The following NPHP4 variants were observed in gnomAD, a reference collection of about 807,000 sequenced individuals.
NPHP4 encodes the protein nephrocystin-4.
NPHP4 carries 151 observed loss-of-function variants against 155.8 expected under a neutral mutation model. The observed-to-expected ratio is 0.97, with a 90% CI of 0.85 to 1.11. The LOEUF (loss-of-function observed/expected upper bound fraction) is 1.11, where lower values mean the gene tolerates loss of function less well. Ranked by LOEUF, NPHP4 falls within the 50% of genes least tolerant of loss-of-function variation. NPHP4 has a pLI of 0.00. For missense variants in NPHP4, 1,956 were observed against 1,925.7 expected (o/e 1.02, Z -0.29); for synonymous variants, 845 against 816.8 (o/e 1.03, Z -0.59).
intron 23 of NPHP4, among the ~76,000 whole-genome samples, chr1:5,869,234 C>T (rs1249944802): frequency 1.7e-5 from 2 of 116,794 alleles, no homozygotes. Flanking sequence ...CACCCACATG[C>T]ACACACACAC....
At chr1:5,887,818 G>A (rs1252004698) in intron 17 of NPHP4, among the ~76,000 whole-genome samples, 2 of 152,240 alleles carry the variant, frequency 1.3e-5, no homozygotes, top group Non-Finnish European at 2.9e-5. Flanking sequence ...AGGAAAGAGG[G>A]CAGCCAAGCA....
chr1:5,904,731 G>A lies in NPHP4; in HGVS notation c.2029C>T (p.Pro677Ser), dbSNP rs547495754. 2.4e-4 allele frequency: 391 copies of A among 1,614,050 alleles called. 4 individuals carry two copies. In the South Asian group the frequency reaches 3.9e-3, roughly 16 times the overall value. ...YFTFQFYRFP[P>S]ATTPRLQLVQ... Reference sequence around the variant, plus strand: ...AGCTGCAGTCGTGGCGTCGTTGCGGGTGGGAAGCGGTAGAACTGGAAGGTG... The same window carrying A: ...AGCTGCAGTCGTGGCGTCGTTGCGGATGGGAAGCGGTAGAACTGGAAGGTG... The change falls in exon 16 of 30, where the codon CCC becomes TCC. Residue 677 changes from proline to serine, a missense_variant. Physicochemically the swap from Pro to Ser is moderately conservative, Grantham distance 74. Coordinates refer to ENST00000378156, the MANE Select transcript of NPHP4 (RefSeq NM_015102.5).
chr1:5,878,973 C>T (rs1303648403), intron 19 of NPHP4, among the ~76,000 whole-genome samples: 3 of 152,230 alleles, frequency 2.0e-5, no homozygotes, highest in African/African-American at 2.4e-5. Context: ...GACCTCTCTT[C>T]GTCTCAGTTT....
chr1:5,934,269 A>G (rs1242336297), intron 9 of NPHP4, among the ~76,000 whole-genome samples: 1 of 152,138 alleles, frequency 6.6e-6, no homozygotes, highest in East Asian at 1.9e-4. Context: ...CCCATGGGGT[A>G]CAGGCAACAG....
chr1:5,933,031 GA>G, intron 10 of NPHP4, 115 bp downstream of exon 10: 3 of 821,672 alleles, frequency 3.7e-6, no homozygotes, highest in Non-Finnish European at 3.8e-6. Context: ...CCCATGACAT[GA>G]AAAAAATTCT....
intron 10 of NPHP4, among the ~76,000 whole-genome samples, chr1:5,932,660 T>TA (rs35273263): frequency 0.19 from 25,821 of 136,576 alleles, 2,236 homozygotes; most frequent in African/African-American, 0.24. Context: ...ATTTCAGAAT[T>TA]AAAAAAAAAA....
intron 10 of NPHP4, among the ~76,000 whole-genome samples, chr1:5,929,921 A>G (rs12121044): frequency 0.12 from 17,992 of 152,172 alleles, 1,367 homozygotes; most frequent in Non-Finnish European, 0.17. Flanking sequence ...TTCATAGTGA[A>G]TAGGCCTGAA....
At chr1:5,941,289 C>CAAAAAAAAAAAAAAAAAAAAAAA (rs66676950) in intron 9 of NPHP4, among the ~76,000 whole-genome samples, 8 of 44,768 alleles carry the variant, frequency 1.8e-4, no homozygotes, top group Admixed American at 3.2e-4. Context: ...GAGATCTAGA[C>CAAAAAAAAAAAAAAAAAAAAAAA]AAAAAAAAAA....
chr1:5,893,246 G>A (rs893695429), intron 16 of NPHP4, among the ~76,000 whole-genome samples: 5 of 152,192 alleles, frequency 3.3e-5, no homozygotes, highest in African/African-American at 1.2e-4. Flanking sequence ...ACAAGACAAA[G>A]AGATAAAAGA....
At position 5,864,475 on chromosome 1, in the gene NPHP4, G is replaced by C. The variant is rs201779243; in HGVS notation, c.3859C>G (p.Gln1287Glu). 789 of 1,600,666 alleles carry C rather than the reference G, an allele frequency of 4.9e-4. 1 individual carries two copies. Among genetic ancestry groups the C allele is most frequent in the Non-Finnish European group, 6.2e-4 (723 of 1,173,374 alleles). ...GGCCTCACGCCAACATGCAGGTCCT[G>C]CACCCCACGAGGCGGCAGCACGAAG... ...GVFVLPPRGV[Q>E]DLHVGVRPLR... Residue 1287 changes from glutamine to glutamate, a missense_variant, in exon 28 of 30, where the codon CAG (glutamine) becomes GAG (glutamate). By Grantham distance (29) the Gln-to-Glu change is conservative. Coordinates refer to ENST00000378156, the MANE Select transcript of NPHP4 (RefSeq NM_015102.5).
chr1:5,894,494 A>G (rs1379029931), intron 16 of NPHP4, among the ~76,000 whole-genome samples: 1 of 152,110 alleles, frequency 6.6e-6, no homozygotes, highest in African/African-American at 2.4e-5. Flanking sequence ...CAAATTTGCA[A>G]CTTACTCATA....
intron 6 of NPHP4, among the ~76,000 whole-genome samples, chr1:5,953,445 T>C (rs1648580063): frequency 1.3e-5 from 2 of 152,152 alleles, no homozygotes; most frequent in Non-Finnish European, 2.9e-5. Flanking sequence ...AGAACACAGA[T>C]TGGAGAAGGC....
At chr1:5,893,796 G>A (rs1292900094) in intron 16 of NPHP4, among the ~76,000 whole-genome samples, 3 of 152,168 alleles carry the variant, frequency 2.0e-5, no homozygotes, top group East Asian at 1.9e-4. Context: ...TTTCGCTACC[G>A]CTAGACCATG....
intron 11 of NPHP4, among the ~76,000 whole-genome samples, chr1:5,923,764 CA>C (rs1645861988): frequency 6.6e-6 from 1 of 152,206 alleles, no homozygotes; most frequent in Non-Finnish European, 1.5e-5. Context: ...AAGGATCTAA[CA>C]ATTTTCAAAG....
chr1:5,915,585 G>C (rs528546673), intron 11 of NPHP4, among the ~76,000 whole-genome samples: 5 of 152,140 alleles, frequency 3.3e-5, no homozygotes, highest in Admixed American at 3.3e-4. Flanking sequence ...TGTGCTGCAG[G>C]AGTCCAGATC....
intron 9 of NPHP4, among the ~76,000 whole-genome samples, chr1:5,939,585 T>A (rs1646719681): frequency 6.6e-6 from 1 of 152,076 alleles, no homozygotes. Context: ...CTCCCTGCCC[T>A]CACTGGGTCT....
Position 5,927,001 on chromosome 1 carries a change from G to GC in NPHP4, c.1441+647dup, listed in dbSNP as rs1053272451. On this transcript the variant is annotated intron_variant, in intron 11 of 29. Transcript: ENST00000378156. ...ACTCCAACACTCCCTCGTACCTTCC[G>GC]CCCCTCACTTCAGTATAGGTGGAAT... Among the ~76,000 whole-genome samples, 63 of 152,278 alleles carry GC rather than the reference G, an allele frequency of 4.1e-4. 2 individuals carry two copies. The highest frequency in any genetic ancestry group is 1.5e-3 in the African/African-American group (61 of 41,552).
chr1:5,905,186 A>G lies in NPHP4; in HGVS notation c.1955+106T>C. ...AACAGATGGCACTCCCGAATCTACT[A>G]AGACCTCAGCACAGACAGTTCTGCC... On this transcript the variant is annotated intron_variant, in intron 15 of 29. Transcript: ENST00000378156. The surrounding 1 kb of genome is among the most constrained non-coding windows in gnomAD (Gnocchi z 4.0). The G allele has an allele frequency of 2.2e-6, 2 of 911,406 alleles. No individual in the cohort carries two copies. The highest frequency in any genetic ancestry group is 3.6e-6 in the Non-Finnish European group (2 of 554,006). The allele number at this position is 911,406 out of a possible 1,614,324, so 56.5% of individuals were successfully genotyped here.
At chr1:5,958,785 G>A (rs1052365529) in intron 6 of NPHP4, among the ~76,000 whole-genome samples, 1 of 144,876 alleles carries the variant, frequency 6.9e-6, no homozygotes, top group African/African-American at 2.6e-5. Context: ...CTTGAGCATG[G>A]GAGGCAGAGT....
Sources: allele counts gnomAD v4.1 joint callset (sites outside exome capture counted in the v4.1 genomes callset), GRCh38; gene constraint gnomAD v4.1.1; non-coding constraint Gnocchi (gnomAD v3.1); transcripts MANE v1.5; gene names NCBI Gene and HGNC (gene_info 2026-07-23, HGNC 2026-07-21).